GABRG3: variants seen among roughly 807,000 people sequenced by gnomAD.
GABRG3 encodes gamma-aminobutyric acid type A receptor subunit gamma3.
A neutral mutation model predicts 48.8 loss-of-function variants in GABRG3; 25 were observed. The ratio of observed to expected loss-of-function variants is 0.51; its 90% confidence interval spans 0.37 to 0.72. The LOEUF is 0.72. Among genes scored for constraint, GABRG3 ranks in the 30% least tolerant of loss-of-function variants. The pLI, the probability that GABRG3 is intolerant of heterozygous loss-of-function variation, is 0.00. For synonymous variants in GABRG3, 227 were observed against 217.6 expected (o/e 1.04, Z -0.38); for missense variants, 394 against 577.9 (o/e 0.68, Z 3.26).
intron 5 of GABRG3, among the ~76,000 whole-genome samples, chr15:27,351,358 G>C (rs1894579610): frequency 7.1e-6 from 1 of 140,678 alleles, no homozygotes; most frequent in South Asian, 2.4e-4. Context: ...GTGTATGTGT[G>C]AGTGCCTTTG....
In GABRG3 at chr15:27,309,143, A is replaced by T. The variant is rs1892901672; in HGVS notation, c.271-17666A>T. 1.9e-5 allele frequency among the ~76,000 whole-genome samples: 2 copies of T among 107,572 alleles called. 1 individual carries two copies. Among genetic ancestry groups the T allele is most frequent in the Admixed American group, 1.7e-4 (2 of 11,770 alleles). 70.6% of individuals were successfully genotyped at this position (107,572 alleles called of 152,430 possible). On this transcript the variant is annotated intron_variant, in intron 3 of 9. Coordinates refer to ENST00000615808, the MANE Select transcript of GABRG3 (RefSeq NM_033223.5). ...ACATATAATGTAAACATAGATGTTT[A>T]TATAGAAACACATATAATGTAAACA...
rs758934479 is a variant in GABRG3, at chr15:27,534,368, A to G, written c.*1487A>G. The G allele has an allele frequency of 6.6e-6, 1 of 152,164 alleles. No homozygotes were observed. The highest frequency in any genetic ancestry group is 2.4e-5 in the African/African-American group (1 of 41,442). The allele number at this position is 152,164 out of a possible 1,614,324, so 9.4% of individuals were successfully genotyped here. On this transcript the variant is annotated 3_prime_UTR_variant, in exon 10 of 10. Transcript: ENST00000615808. ...TTGATATTTTTATAATACAAAACCA[A>G]CTTGCTGCTTGCTGTTAGTTCTTTG...
intron 5 of GABRG3, among the ~76,000 whole-genome samples, chr15:27,379,634 T>G (rs1444708934): frequency 6.6e-6 from 1 of 152,228 alleles, no homozygotes; most frequent in Non-Finnish European, 1.5e-5. Flanking sequence ...GTTCTTAATT[T>G]TTATCGAAGT....
At chr15:27,460,454 A>T (rs1889415210) in intron 5 of GABRG3, among the ~76,000 whole-genome samples, 2 of 152,242 alleles carry the variant, frequency 1.3e-5, no homozygotes, top group South Asian at 4.1e-4. Context: ...AAGGAGAACC[A>T]GGAAACTCAC....
In GABRG3 at chr15:27,179,220, A is replaced by G. The variant is rs1044458389; in HGVS notation, c.271-147589A>G. On this transcript the variant is annotated intron_variant, in intron 3 of 9. Transcript: ENST00000615808. The surrounding 1 kb of genome is among the most constrained non-coding windows in gnomAD (Gnocchi z 4.0). ...TGTATCAGAAATATTGCTTACTCCT[A>G]TCATCAATGCATTGCCGTGATTTGC... Among the ~76,000 whole-genome samples, 5 of 152,184 alleles carry G rather than the reference A, an allele frequency of 3.3e-5. No homozygotes were observed. Among genetic ancestry groups the G allele is most frequent in the Non-Finnish European group, 5.9e-5 (4 of 68,034 alleles).
Position 27,336,233 on chromosome 15 carries a change from AG to A in GABRG3, c.574+7347del, listed in dbSNP as rs747958687. 1.7e-4 allele frequency among the ~76,000 whole-genome samples: 23 copies of A among 131,498 alleles called. 1 individual carries two copies. The highest frequency in any genetic ancestry group is 8.2e-4 in the African/African-American group (22 of 26,686). The allele number at this position is 131,498 out of a possible 152,430, so 86.3% of individuals were successfully genotyped here. On this transcript the variant is annotated intron_variant, in intron 5 of 9. Coordinates refer to ENST00000615808, the MANE Select transcript of GABRG3 (RefSeq NM_033223.5). ...AAGAGAGAGAGAGAGAGAGAGAGAG[AG>A]GAGAAGAAAAGAAAGAAAGAAAAAG...
intron 3 of GABRG3, among the ~76,000 whole-genome samples, chr15:27,155,998 G>T (rs193106017): frequency 6.6e-6 from 1 of 152,102 alleles, no homozygotes; most frequent in Non-Finnish European, 1.5e-5. Flanking sequence ...AGTGGTTATT[G>T]TTTAAAAGTA....
At chr15:27,244,891 T>C (rs1890225997) in intron 3 of GABRG3, among the ~76,000 whole-genome samples, 1 of 152,252 alleles carries the variant, frequency 6.6e-6, no homozygotes, top group Non-Finnish European at 1.5e-5. Flanking sequence ...AAAATTAAAA[T>C]TTCATTTTTA....
chr15:27,297,468 A>G (rs73363124), intron 3 of GABRG3, among the ~76,000 whole-genome samples: 72 of 152,232 alleles, frequency 4.7e-4, no homozygotes, highest in African/African-American at 1.7e-3. Context: ...CTTTTATACT[A>G]TATTTTTACC....
intron 5 of GABRG3, among the ~76,000 whole-genome samples, chr15:27,413,398 TAGAG>T (rs1394704263): frequency 6.8e-6 from 1 of 146,680 alleles, no homozygotes; most frequent in African/African-American, 2.5e-5. Context: ...TTAGAGATAT[TAGAG>T]AGGATTTACA....
At chr15:27,366,025 G>A (rs1201128389) in intron 5 of GABRG3, 2 of 152,194 alleles carry the variant, frequency 1.3e-5, no homozygotes, top group African/African-American at 2.4e-5. Flanking sequence ...GTTTTCAGTA[G>A]CATCAGATAA....
At chr15:27,399,577 G>A (rs530031800) in intron 5 of GABRG3, among the ~76,000 whole-genome samples, 6 of 152,298 alleles carry the variant, frequency 3.9e-5, no homozygotes, top group South Asian at 4.1e-4. Context: ...TTTGACATTC[G>A]TAGAAACCTT....
chr15:27,050,615 T>C (rs1214552455), intron 3 of GABRG3, among the ~76,000 whole-genome samples: 3 of 152,240 alleles, frequency 2.0e-5, no homozygotes, highest in Non-Finnish European at 4.4e-5. Flanking sequence ...CTCAGTAATG[T>C]AGAAGCAGCT....
intron 5 of GABRG3, among the ~76,000 whole-genome samples, chr15:27,360,857 C>T (rs1360677376): frequency 6.6e-6 from 1 of 152,222 alleles, no homozygotes; most frequent in Non-Finnish European, 1.5e-5. Flanking sequence ...GTGGGATGCT[C>T]TCTGACGGCA....
chr15:27,467,957 C>A (rs180980801), intron 5 of GABRG3, among the ~76,000 whole-genome samples: 4 of 152,262 alleles, frequency 2.6e-5, no homozygotes, highest in Admixed American at 2.6e-4. Context: ...AGTCTCTTAC[C>A]ATCCAGCTCC....
At chr15:27,066,865 A>T (rs981676401) in intron 3 of GABRG3, among the ~76,000 whole-genome samples, 1 of 152,206 alleles carries the variant, frequency 6.6e-6, no homozygotes, top group Non-Finnish European at 1.5e-5. Flanking sequence ...AATATCACAT[A>T]GATACACTGC....
chr15:27,527,125 A>G (rs1891296760), intron 7 of GABRG3, among the ~76,000 whole-genome samples: 1 of 152,208 alleles, frequency 6.6e-6, no homozygotes, highest in South Asian at 2.1e-4. Context: ...CACGGAACAT[A>G]TAGGACTGCC....
chr15:27,295,543 A>G (rs1891952971), intron 3 of GABRG3, among the ~76,000 whole-genome samples: 1 of 151,840 alleles, frequency 6.6e-6, no homozygotes, highest in Admixed American at 6.5e-5. Flanking sequence ...TGGAACAAAG[A>G]TTCAAGTGAT....
chr15:27,476,941 G>A (rs1176849367), intron 5 of GABRG3, among the ~76,000 whole-genome samples: 3 of 152,154 alleles, frequency 2.0e-5, no homozygotes, highest in Admixed American at 1.3e-4. Context: ...TTTACTTACA[G>A]GTGAGTCACA....
Sources: gnomAD v4.1 joint callset for allele counts (sites outside exome capture counted in the v4.1 genomes callset) on GRCh38, gnomAD v4.1.1 for gene constraint, Gnocchi (gnomAD v3.1) non-coding constraint, MANE v1.5 for transcripts, NCBI Gene and HGNC (gene_info 2026-07-23, HGNC 2026-07-21) for gene names.